The following CCDC178 variants were observed in gnomAD, a reference collection of about 807,000 sequenced individuals.
CCDC178 encodes coiled-coil domain-containing protein 178.
Under a neutral mutation model 117.4 loss-of-function variants are expected in CCDC178, and 126 were observed. That is an observed-to-expected ratio of 1.07 (90% CI 0.93 to 1.24). The LOEUF is 1.24. CCDC178 is among the 50% of genes most tolerant of loss of function. The probability of loss-of-function intolerance (pLI) is 0.00; values close to 1 mark genes in which losing one functional copy is unlikely to be tolerated. For missense variants in CCDC178, 1,030 were observed against 986.9 expected (o/e 1.04, Z -0.59); for synonymous variants, 283 against 313.4 (o/e 0.90, Z 1.02).
chr18:33,175,123 G>A (rs1324842094), intron 20 of CCDC178, among the ~76,000 whole-genome samples: 2 of 151,730 alleles, frequency 1.3e-5, no homozygotes, highest in East Asian at 1.9e-4. Flanking sequence ...TGATCCGCCC[G>A]CCTCGGCCTC....
intron 21 of CCDC178, among the ~76,000 whole-genome samples, chr18:33,060,020 T>C (rs2056897433): frequency 6.6e-6 from 1 of 152,058 alleles, no homozygotes; most frequent in Non-Finnish European, 1.5e-5. Flanking sequence ...CTCTCATATT[T>C]TGGGTTAAAC....
intron 20 of CCDC178, 124 bp from the exon 21 acceptor site, chr18:33,093,034 A>G (rs1337279146): frequency 1.9e-6 from 1 of 514,856 alleles, no homozygotes; most frequent in East Asian, 3.5e-5. Flanking sequence ...TATGTATAGT[A>G]GAAAAATAAC....
At chr18:33,322,797 T>C (rs2062530562) in intron 11 of CCDC178, among the ~76,000 whole-genome samples, 1 of 151,464 alleles carries the variant, frequency 6.6e-6, no homozygotes, top group Non-Finnish European at 1.5e-5. Context: ...AAATGAATGT[T>C]ATCTAGGTTG....
At chr18:33,393,824 C>T (rs567100235) in intron 4 of CCDC178, among the ~76,000 whole-genome samples, 36 of 152,080 alleles carry the variant, frequency 2.4e-4, no homozygotes, top group African/African-American at 7.9e-4. Flanking sequence ...TGGACCTATG[C>T]TTTCATTTCT....
chr18:33,216,591 A>G (rs1003460389), intron 18 of CCDC178, among the ~76,000 whole-genome samples: 2 of 152,132 alleles, frequency 1.3e-5, no homozygotes, highest in South Asian at 4.1e-4. Flanking sequence ...TATTTTCCCC[A>G]TATGCTTCCA....
intron 18 of CCDC178, among the ~76,000 whole-genome samples, chr18:33,218,017 C>T (rs2059187457): frequency 3.3e-5 from 5 of 152,066 alleles, no homozygotes; most frequent in Admixed American, 2.6e-4. Flanking sequence ...GCACTTAAAA[C>T]AATGCCTGAC....
Position 33,435,315 on chromosome 18 carries a change from T to C in CCDC178, c.-23+4647A>G, listed in dbSNP as rs535650021. Among the ~76,000 whole-genome samples the C allele has an allele frequency of 1.7e-3, 260 of 152,328 alleles. 3 individuals are homozygous for C. Among genetic ancestry groups the C allele is most frequent in the African/African-American group, 5.8e-3 (241 of 41,584 alleles). The stretch of plus-strand genomic sequence containing the variant: ...CCTTCAACTACTCAATAGTCACATG[T>C]AGCTATAGGCTACTGCATCATAGCA... On this transcript the variant is annotated intron_variant, in intron 2 of 22. Coordinates refer to ENST00000383096, the MANE Select transcript of CCDC178 (RefSeq NM_001105528.4).
chr18:33,315,272 C>T (rs1212856834), intron 11 of CCDC178, among the ~76,000 whole-genome samples: 1 of 152,108 alleles, frequency 6.6e-6, no homozygotes, highest in Non-Finnish European at 1.5e-5. Flanking sequence ...AGGTGAGGTA[C>T]GTGTGGTCAC....
chr18:33,239,949 A>G (rs1452203162), intron 15 of CCDC178, among the ~76,000 whole-genome samples: 1 of 152,012 alleles, frequency 6.6e-6, no homozygotes, highest in Non-Finnish European at 1.5e-5. Context: ...TTTCATCAGC[A>G]CATGAAATAT....
chr18:33,076,170 GGT>G (rs144525680), intron 21 of CCDC178, among the ~76,000 whole-genome samples: 6,622 of 152,174 alleles, frequency 0.044, 190 homozygotes, highest in Non-Finnish European at 0.066. Context: ...TTTTCATATG[GGT>G]GGCCCCACGC....
At chr18:33,348,409 A>T (rs1043116866) in intron 8 of CCDC178, among the ~76,000 whole-genome samples, 1 of 151,954 alleles carries the variant, frequency 6.6e-6, no homozygotes, top group African/African-American at 2.4e-5. Flanking sequence ...ACTTAAATAT[A>T]TACTAGAACT....
At chr18:32,951,129 C>CT (rs1168098548) in intron 22 of CCDC178, among the ~76,000 whole-genome samples, 2 of 152,112 alleles carry the variant, frequency 1.3e-5, no homozygotes, top group Middle Eastern at 3.4e-3. Context: ...TTAATTTATT[C>CT]TTTTTTTACT....
chr18:33,432,095 A>G (rs1013275597), intron 2 of CCDC178, among the ~76,000 whole-genome samples: 1 of 152,168 alleles, frequency 6.6e-6, no homozygotes, highest in Non-Finnish European at 1.5e-5. Flanking sequence ...TGGGAGCCAC[A>G]TCAAGTCAGC....
intron 21 of CCDC178, among the ~76,000 whole-genome samples, chr18:33,004,823 C>G (rs1322555630): frequency 2.0e-5 from 3 of 152,064 alleles, no homozygotes; most frequent in African/African-American, 4.8e-5. Flanking sequence ...AGGCATGTCT[C>G]AAAAGAAGGC....
chr18:33,421,512 G>C (rs2064024040), intron 2 of CCDC178, among the ~76,000 whole-genome samples: 1 of 152,200 alleles, frequency 6.6e-6, no homozygotes, highest in Admixed American at 6.5e-5. Flanking sequence ...ATGGTGAATA[G>C]ATTTATAACA....
rs188570652 is a variant in CCDC178, at chr18:33,048,262, T to A, written c.2388+44499A>T. The stretch of plus-strand genomic sequence containing the variant: ...AACTGTGAAGCAATAAACTTCTGAT[T>A]TTTTAAGCCGTGCCAGTTTCTGGTA... On this transcript the variant is annotated intron_variant, in intron 21 of 22. Transcript: ENST00000383096. 2.9e-3 allele frequency among the ~76,000 whole-genome samples: 440 copies of A among 152,266 alleles called. 11 individuals carry two copies. The highest frequency in any genetic ancestry group is 6.3e-4 in the Non-Finnish European group (43 of 68,014).
chr18:32,985,711 G>A (rs964245020), intron 21 of CCDC178, among the ~76,000 whole-genome samples: 1 of 151,942 alleles, frequency 6.6e-6, no homozygotes, highest in African/African-American at 2.4e-5. Flanking sequence ...AATATAAATA[G>A]CAATGATTAA....
intron 19 of CCDC178, among the ~76,000 whole-genome samples, chr18:33,212,442 G>T (rs966642614): frequency 6.6e-6 from 1 of 151,962 alleles, no homozygotes; most frequent in African/African-American, 2.4e-5. Flanking sequence ...ATTCCATGTA[G>T]AAGAGCTCAT....
At chr18:33,208,798 T>TA in intron 20 of CCDC178, among the ~76,000 whole-genome samples, 1 of 151,974 alleles carries the variant, frequency 6.6e-6, no homozygotes, top group African/African-American at 2.4e-5. Context: ...GGGACTGCTA[T>TA]AGCCAGAGGA....
Sources: gnomAD v4.1 joint callset for allele counts (sites outside exome capture counted in the v4.1 genomes callset) on GRCh38, gnomAD v4.1.1 for gene constraint, MANE v1.5 for transcripts, NCBI Gene and HGNC (gene_info 2026-07-23, HGNC 2026-07-21) for gene names.